The following ABR variants were observed in gnomAD, a reference collection of about 807,000 sequenced individuals.
The protein encoded by ABR is active breakpoint cluster region-related protein.
Under a neutral mutation model 107.2 loss-of-function variants are expected in ABR, and 35 were observed. That is an observed-to-expected ratio of 0.33 (90% CI 0.25 to 0.43). The LOEUF (loss-of-function observed/expected upper bound fraction) is 0.43, where lower values mean the gene tolerates loss of function less well. Ranked by LOEUF, ABR falls within the 20% of genes least tolerant of loss-of-function variation. ABR has a pLI of 1.00. For synonymous variants in ABR, 498 were observed against 462.0 expected, an observed-to-expected ratio of 1.08 and a Z score of -1.00; for missense variants, 815 against 1,115.2, an observed-to-expected ratio of 0.73 and a Z score of 3.83.
intron 16 of ABR, among the ~76,000 whole-genome samples, chr17:1,033,291 C>T (rs944930182): frequency 8.5e-5 from 13 of 152,162 alleles, no homozygotes; most frequent in African/African-American, 2.7e-4. Flanking sequence ...CAGAGACAGC[C>T]GTAGTCAGAG....
upstream of ABR, among the ~76,000 whole-genome samples, chr17:1,190,731 G>T (rs545651830): frequency 9.2e-5 from 14 of 152,260 alleles, no homozygotes; most frequent in African/African-American, 3.4e-4. Context: ...GTGGGTGCCC[G>T]TCCCGTCTGC....
chr17:1,023,124 G>T, intron 16 of ABR, among the ~76,000 whole-genome samples: 1 of 148,360 alleles, frequency 6.7e-6, no homozygotes, highest in Non-Finnish European at 1.5e-5. Context: ...CCACTACAGC[G>T]CCTCTGCCGG....
intron 16 of ABR, among the ~76,000 whole-genome samples, chr17:1,014,389 C>G (rs995524498): frequency 7.0e-6 from 1 of 141,934 alleles, no homozygotes; most frequent in Non-Finnish European, 1.5e-5. Flanking sequence ...TGCAGTGAGC[C>G]GAGATCGCGC....
At position 1,215,641 on chromosome 17, in the gene ABR, A is replaced by G. The variant is rs191210858; in HGVS notation, c.838+13152T>C. ...TGGCCTCCCAAAGTGCCCAGAGTGC[A>G]GCCTCTGCCCGGCCGCCACCCCGTC... is the stretch of plus-strand genomic sequence containing the variant. On this transcript the variant is annotated intron_variant, in intron 1 of 22. Transcript: ENST00000574139. Among the ~76,000 whole-genome samples, 548 of 152,264 alleles carry G rather than the reference A, an allele frequency of 3.6e-3. 2 individuals carry two copies. The highest frequency in any genetic ancestry group is 0.013 in the African/African-American group (521 of 41,562).
chr17:1,012,616 G>A, intron 18 of ABR, 72 bp downstream of exon 18: 2 of 1,166,856 alleles, frequency 1.7e-6, no homozygotes, highest in Non-Finnish European at 2.5e-6. Flanking sequence ...CGGCGGGGAG[G>A]GCTGGGGGGC....
chr17:1,178,421 G>A (rs1172202490), intron 1 of ABR, among the ~76,000 whole-genome samples: 2 of 152,044 alleles, frequency 1.3e-5, no homozygotes, highest in Non-Finnish European at 2.9e-5. Context: ...AAAATTAGCC[G>A]AGAGTGGTGG....
At chr17:1,167,338 C>G (rs1489981797) in intron 1 of ABR, among the ~76,000 whole-genome samples, 1 of 146,596 alleles carries the variant, frequency 6.8e-6, no homozygotes, top group Non-Finnish European at 1.5e-5. Flanking sequence ...CTCTTCATAG[C>G]CACCCCCAAC....
intron 5 of ABR, among the ~76,000 whole-genome samples, chr17:1,082,370 C>T (rs1220927219): frequency 1.3e-5 from 2 of 151,564 alleles, no homozygotes; most frequent in Admixed American, 1.3e-4. Context: ...GACTGCACCT[C>T]TGCCCTGTGG....
intron 9 of ABR, among the ~76,000 whole-genome samples, chr17:1,069,722 C>T (rs1357849058): frequency 6.6e-6 from 1 of 151,934 alleles, no homozygotes; most frequent in Non-Finnish European, 1.5e-5. Context: ...GTGGCAGGGT[C>T]CGGCCTCCCT....
At chr17:1,188,474 T>C (rs984038956), upstream of ABR, among the ~76,000 whole-genome samples, 3 of 151,044 alleles carry the variant, frequency 2.0e-5, no homozygotes, top group African/African-American at 7.3e-5. Flanking sequence ...CGCTTGAACC[T>C]GGGAGGCGGA....
chr17:1,079,201 A>ACACGCT (rs927344253), intron 6 of ABR, 129 bp downstream of exon 6: 7 of 1,490,552 alleles, frequency 4.7e-6, no homozygotes, highest in South Asian at 2.6e-5. Context: ...ACGCGCTCAC[A>ACACGCT]CACGCTCACG....
upstream of ABR, among the ~76,000 whole-genome samples, chr17:1,192,048 T>C (rs1269301989): frequency 1.3e-5 from 2 of 152,152 alleles, no homozygotes; most frequent in Admixed American, 6.5e-5. Flanking sequence ...TCCCAGGCAG[T>C]AGCTGATAAA....
rs983301610 is a variant in ABR, at chr17:1,031,325, G to A, written c.1792-18161C>T. The stretch of plus-strand genomic sequence containing the variant: ...CCCGTGCGCTGTTTGCACTCCCGGA[G>A]TGGAAAGCAGGGTCCACCTGCCGAG... On this transcript the variant is annotated intron_variant, in intron 16 of 22. Transcript: ENST00000302538. Among the ~76,000 whole-genome samples the A allele has an allele frequency of 2.9e-4, 44 of 152,172 alleles. 1 individual carries two copies. Among genetic ancestry groups the A allele is most frequent in the African/African-American group, 9.7e-4 (40 of 41,440 alleles).
chr17:1,113,672 C>T (rs182777601), intron 2 of ABR, among the ~76,000 whole-genome samples: 4 of 152,260 alleles, frequency 2.6e-5, no homozygotes, highest in South Asian at 4.1e-4. Context: ...CAGATGTGCC[C>T]GCTGGTGCCC....
intron 2 of ABR, among the ~76,000 whole-genome samples, chr17:1,117,130 C>G (rs752205689): frequency 1.5e-5 from 1 of 68,394 alleles, no homozygotes; most frequent in Admixed American, 2.0e-4. Context: ...CCAGCGTTAT[C>G]CCTGAGCCTG....
chr17:1,137,908 T>C lies in ABR; in HGVS notation c.62-12541A>G, dbSNP rs113254553. Among the ~76,000 whole-genome samples the C allele has an allele frequency of 9.5e-3, 1,450 of 152,054 alleles. 22 individuals carry two copies. Among genetic ancestry groups the C allele is most frequent in the African/African-American group, 0.033 (1,387 of 41,478 alleles). On this transcript the variant is annotated intron_variant, in intron 1 of 22. Transcript: ENST00000302538. ...AATGGTAAAAACCACAATTACTTTT[T>C]TTTTTTTTTTGAGACGGGGTCTCAC... is the stretch of plus-strand genomic sequence containing the variant.
Position 1,010,306 on chromosome 17 carries a change from C to A in ABR, c.2236+423G>T. 4.3e-6 allele frequency: 1 copy of A among 230,156 alleles called. No individual in the cohort carries two copies. Among genetic ancestry groups the A allele is most frequent in the Non-Finnish European group, 8.7e-6 (1 of 115,358 alleles). 14.3% of individuals were successfully genotyped at this position (230,156 alleles called of 1,614,324 possible). A position where few individuals can be genotyped will look rare whatever the true frequency, so the allele number is the denominator to read the frequency against. Reference sequence around the variant, plus strand: ...AAGGCCTGCTGGCCGGGGCCCTCCGCAGAGGTGACGGGACGGTGTGTGGTC... The same window carrying A: ...AAGGCCTGCTGGCCGGGGCCCTCCGAAGAGGTGACGGGACGGTGTGTGGTC... On this transcript the variant is annotated intron_variant, in intron 20 of 22. Coordinates refer to ENST00000302538, the MANE Select transcript of ABR (RefSeq NM_021962.5). The surrounding 1 kb of genome is among the most constrained non-coding windows in gnomAD (Gnocchi z 4.1).
At chr17:1,108,760 G>A (rs767390759) in intron 2 of ABR, among the ~76,000 whole-genome samples, 26 of 152,138 alleles carry the variant, frequency 1.7e-4, no homozygotes, top group Non-Finnish European at 3.5e-4. Flanking sequence ...GAGGACACCG[G>A]TCGGGGAGGC....
intron 16 of ABR, among the ~76,000 whole-genome samples, chr17:1,019,339 C>T (rs572544696): frequency 3.9e-5 from 6 of 152,364 alleles, no homozygotes; most frequent in East Asian, 3.9e-4. Context: ...GCCTCCCAGG[C>T]GACACTTGCT....
Sources: gnomAD v4.1 joint callset for allele counts (sites outside exome capture counted in the v4.1 genomes callset) on GRCh38, gnomAD v4.1.1 for gene constraint, Gnocchi (gnomAD v3.1) non-coding constraint, MANE v1.5 for transcripts, NCBI Gene and HGNC (gene_info 2026-07-23, HGNC 2026-07-21) for gene names.